NEK10: variants seen among roughly 807,000 people sequenced by gnomAD.
NEK10 encodes the protein NIMA related kinase 10.
In NEK10, 122 loss-of-function variants were observed where a neutral mutation model predicts 159.8. That is an observed-to-expected ratio of 0.76 (90% CI 0.66 to 0.89). NEK10 has a LOEUF of 0.89. Ranked by LOEUF, NEK10 falls within the 40% of genes least tolerant of loss-of-function variation. The probability of loss-of-function intolerance (pLI) is 0.00; values close to 1 mark genes in which losing one functional copy is unlikely to be tolerated. For missense variants in NEK10, 1,342 were observed against 1,323.1 expected (o/e 1.01, Z -0.22); for synonymous variants, 466 against 457.1 (o/e 1.02, Z -0.25).
In NEK10 at chr3:27,134,298, G is replaced by C. The variant is rs75956356; in HGVS notation, c.2971-2308C>G. On this transcript the variant is annotated intron_variant, in intron 31 of 35. Transcript: ENST00000691995. Reference sequence around the variant, plus strand: ...GTAATGAGGGGACCAGAAAGTACCTGGACAGAGCACAGGTTTGATAATTCC... The same window carrying C: ...GTAATGAGGGGACCAGAAAGTACCTCGACAGAGCACAGGTTTGATAATTCC... Among the ~76,000 whole-genome samples, 220 of 152,274 alleles carry C rather than the reference G, an allele frequency of 1.4e-3. 2 individuals carry two copies. In the East Asian group the frequency reaches 0.036, roughly 25 times the overall value.
intron 31 of NEK10, among the ~76,000 whole-genome samples, chr3:27,135,063 C>A (rs1264997946): frequency 6.6e-6 from 1 of 152,136 alleles, no homozygotes; most frequent in Non-Finnish European, 1.5e-5. Flanking sequence ...TCTAGCACAG[C>A]CATTATTCTA....
intron 15 of NEK10, 22 bp downstream of exon 15, chr3:27,295,591 G>A: frequency 6.5e-7 from 1 of 1,544,278 alleles, no homozygotes; most frequent in East Asian, 2.4e-5. Flanking sequence ...TGATACTGAA[G>A]GACAAGAGAC....
In NEK10 at chr3:27,301,797, C is replaced by T. The variant is rs1254462105; in HGVS notation, c.1067G>A (p.Ser356Asn). 1.9e-6 allele frequency: 3 copies of T among 1,555,472 alleles called. No individual in the cohort carries two copies. Among genetic ancestry groups the T allele is most frequent in the Non-Finnish European group, 2.6e-6 (3 of 1,148,814 alleles). Residue 356 changes from serine (S) to asparagine (N), a missense_variant, in exon 13 of 36, where the codon AGC becomes AAC. Physicochemically the swap from Ser to Asn is conservative, Grantham distance 46. Transcript: ENST00000691995. ...NFVSDHSSIG[S>N]LSSANAAGRI... ...GCCTGCAGCATTTGCACTGGACAGGCTTCCAATGGAGGAGTGATCAGAAAC... is the reference window on the plus strand; with the variant it reads ...GCCTGCAGCATTTGCACTGGACAGGTTTCCAATGGAGGAGTGATCAGAAAC...
At chr3:27,203,640 C>T (rs1950233059) in intron 23 of NEK10, among the ~76,000 whole-genome samples, 1 of 152,032 alleles carries the variant, frequency 6.6e-6, no homozygotes, top group African/African-American at 2.4e-5. Flanking sequence ...TTGGGTCTGG[C>T]CTCAGTACTC....
At chr3:27,350,888 T>C (rs1440312292) in intron 3 of NEK10, among the ~76,000 whole-genome samples, 1 of 152,180 alleles carries the variant, frequency 6.6e-6, no homozygotes, top group Non-Finnish European at 1.5e-5. Flanking sequence ...GCTAGGAGGT[T>C]ATACATCCTC....
chr3:27,242,574 G>A (rs890892742), intron 23 of NEK10, among the ~76,000 whole-genome samples: 3 of 152,174 alleles, frequency 2.0e-5, no homozygotes, highest in Non-Finnish European at 4.4e-5. Context: ...TGGCTCCTAG[G>A]GGAAGGGACA....
chr3:27,250,191 A>AT (rs200065636), intron 23 of NEK10, among the ~76,000 whole-genome samples: 3,118 of 143,434 alleles, frequency 0.022, 62 homozygotes, highest in East Asian at 0.061. Flanking sequence ...TGTATTTACT[A>AT]TTTTTTTTTT....
At chr3:27,254,112 AC>A (rs1955935474) in intron 23 of NEK10, among the ~76,000 whole-genome samples, 1 of 151,990 alleles carries the variant, frequency 6.6e-6, no homozygotes, top group Non-Finnish European at 1.5e-5. Context: ...AGCTAGTCCA[AC>A]CCCCGGCCCA....
At chr3:27,239,656 G>T (rs895973559) in intron 23 of NEK10, among the ~76,000 whole-genome samples, 5 of 152,078 alleles carry the variant, frequency 3.3e-5, no homozygotes, top group East Asian at 3.8e-4. Flanking sequence ...TTTTCTATCC[G>T]ATCTTTGTAT....
At chr3:27,300,655 C>T (rs1328588799) in intron 13 of NEK10, among the ~76,000 whole-genome samples, 1 of 152,146 alleles carries the variant, frequency 6.6e-6, no homozygotes, top group African/African-American at 2.4e-5. Flanking sequence ...ACTCACTCTC[C>T]TATAATTCCA....
At chr3:27,204,644 A>C (rs1225339573) in intron 23 of NEK10, among the ~76,000 whole-genome samples, 6 of 114,740 alleles carry the variant, frequency 5.2e-5, no homozygotes, top group East Asian at 2.4e-4. Context: ...TGAACTCATC[A>C]TTTTTTATGG....
At chr3:27,363,823 G>T (rs896673074) in intron 1 of NEK10, 11 of 152,164 alleles carry the variant, frequency 7.2e-5, no homozygotes, top group African/African-American at 2.7e-4. Flanking sequence ...GTCTGGGAAT[G>T]TGAATTCTTC....
chr3:27,231,713 A>G (rs994456146), intron 23 of NEK10, among the ~76,000 whole-genome samples: 11 of 151,986 alleles, frequency 7.2e-5, no homozygotes. Flanking sequence ...GCTACTATGA[A>G]CACCTTTACA....
intron 7 of NEK10, 48 bp from the exon 8 acceptor site, chr3:27,312,225 C>A (rs552647): frequency 0.54 from 614,520 of 1,134,696 alleles, 174,947 homozygotes; most frequent in African/African-American, 0.91. Context: ...CCAAAAGCAC[C>A]CAAGGAAGCA....
intron 22 of NEK10, among the ~76,000 whole-genome samples, chr3:27,281,763 T>A (rs1443251654): frequency 1.3e-5 from 2 of 152,042 alleles, no homozygotes; most frequent in Non-Finnish European, 2.9e-5. Flanking sequence ...AATAGTTCCA[T>A]GATAATGGCT....
chr3:27,295,985 G>C (rs1414869895), intron 14 of NEK10, among the ~76,000 whole-genome samples: 2 of 151,982 alleles, frequency 1.3e-5, no homozygotes, highest in Non-Finnish European at 2.9e-5. Flanking sequence ...GATTAAAAAG[G>C]GACAGAGTAA....
Position 27,291,590 on chromosome 3 carries a change from C to A in NEK10, c.1374-4G>T. The A allele has an allele frequency of 6.7e-7, 1 of 1,496,714 alleles. No individual in the cohort carries two copies. The highest frequency in any genetic ancestry group is 9.3e-7 in the Non-Finnish European group (1 of 1,073,268). 92.7% of individuals were successfully genotyped at this position (1,496,714 alleles called of 1,614,324 possible). A position where few individuals can be genotyped will look rare whatever the true frequency, so the allele number is the denominator to read the frequency against. ...AAACAAGTCTGTGGGGAAAAGTCTA[C>A]AGAGAATATTACACACACTTAAAGT... On this transcript the variant is annotated splice_region_variant and splice_polypyrimidine_tract_variant and intron_variant, in intron 16 of 35. Coordinates refer to ENST00000691995, the MANE Select transcript of NEK10 (RefSeq NM_001394966.1).
At chr3:27,217,813 G>A (rs1241579466) in intron 23 of NEK10, among the ~76,000 whole-genome samples, 1 of 152,098 alleles carries the variant, frequency 6.6e-6, no homozygotes, top group African/African-American at 2.4e-5. Flanking sequence ...CTTATCCAGG[G>A]AAAATATGTT....
In NEK10 at chr3:27,324,652, CCTCCTAT is replaced by C. The variant is rs202141095; in HGVS notation, c.363-2398_363-2392del. On this transcript the variant is annotated intron_variant, in intron 5 of 35. Transcript: ENST00000691995. ...TCTTTTGCTTGAGCCATTGCAAAAG[CCTCCTAT>C]CTGGCATCTTTGCTTCCAGCTTTGC... 2.0e-5 allele frequency among the ~76,000 whole-genome samples: 3 copies of C among 152,212 alleles called. No individual in the cohort carries two copies. The East Asian group carries it at 5.8e-4, about 29-fold the overall frequency.
Sources: gnomAD v4.1 joint callset for allele counts (sites outside exome capture counted in the v4.1 genomes callset) on GRCh38, gnomAD v4.1.1 for gene constraint, MANE v1.5 for transcripts, NCBI Gene and HGNC (gene_info 2026-07-23, HGNC 2026-07-21) for gene names.